Variants in ZNF609 observed in about 807,000 individuals in gnomAD.
ZNF609 encodes zinc finger protein 609.
A neutral mutation model predicts 109.5 loss-of-function variants in ZNF609; 11 were observed. That is an observed-to-expected ratio of 0.10 (90% CI 0.06 to 0.17). The LOEUF (loss-of-function observed/expected upper bound fraction) is 0.17. Among genes scored for constraint, ZNF609 ranks in the 10% least tolerant of loss-of-function variants. The probability of loss-of-function intolerance (pLI) is 1.00; values close to 1 mark genes in which losing one functional copy is unlikely to be tolerated. For missense variants in ZNF609, 1,559 were observed against 1,772.4 expected (o/e 0.88, Z 2.16); for synonymous variants, 646 against 662.0 (o/e 0.98, Z 0.37).
Position 64,674,554 on chromosome 15 carries a change from C to T in ZNF609, c.1700C>T (p.Pro567Leu), listed in dbSNP as rs376474857. ...TTGTCCCCTGCCCGCTCAGCTACCC[C>T]CAAAGTTCGACTTGTAGAGCCCCAT... ...GSLSPARSAT[P>L]KVRLVEPHSP... The change falls in exon 5 of 10, where the codon CCC (proline) becomes CTC (leucine). Residue 567 changes from proline (P) to leucine (L), a missense_variant. Coordinates refer to ENST00000326648, the MANE Select transcript of ZNF609 (RefSeq NM_015042.2). The T allele has an allele frequency of 6.2e-7, 1 of 1,614,102 alleles. No individual in the cohort carries two copies. Among genetic ancestry groups the T allele is most frequent in the East Asian group, 2.2e-5 (1 of 44,880 alleles).
chr15:64,591,946 T>G (rs960259578), intron 2 of ZNF609, among the ~76,000 whole-genome samples: 1 of 151,990 alleles, frequency 6.6e-6, no homozygotes, highest in African/African-American at 2.4e-5. Flanking sequence ...TGACCTCAGG[T>G]GATCCGCCCG....
At position 64,683,354 on chromosome 15, in the gene ZNF609, G is replaced by GTA. The variant is rs2141022317; in HGVS notation, c.*1669_*1670dup. ...GGGACAGTAAGCACAATGCCCAGTAGTAGTTGATTTCCAAGGACCCTGGAA... is the reference window on the plus strand; with the variant it reads ...GGGACAGTAAGCACAATGCCCAGTAGTATAGTTGATTTCCAAGGACCCTGGAA... On this transcript the variant is annotated 3_prime_UTR_variant, in exon 10 of 10. Transcript: ENST00000326648. The GTA allele has an allele frequency of 6.5e-6, 1 of 152,754 alleles. No homozygotes were observed. Among genetic ancestry groups the GTA allele is most frequent in the South Asian group, 2.1e-4 (1 of 4,822 alleles). 9.5% of individuals were successfully genotyped at this position (152,754 alleles called of 1,614,324 possible). A position where few individuals can be genotyped will look rare whatever the true frequency, so the allele number is the denominator to read the frequency against.
chr15:64,563,341 C>G (rs150516324), intron 2 of ZNF609, among the ~76,000 whole-genome samples: 1 of 131,362 alleles, frequency 7.6e-6, no homozygotes, highest in Non-Finnish European at 1.6e-5. Flanking sequence ...TCCCAGCTCC[C>G]TCGGGAGGCT....
At chr15:64,547,624 C>A (rs1485202421) in intron 2 of ZNF609, among the ~76,000 whole-genome samples, 1 of 151,750 alleles carries the variant, frequency 6.6e-6, no homozygotes, top group Non-Finnish European at 1.5e-5. Context: ...GGAATTACCT[C>A]TAGCCATTTG....
chr15:64,494,987 A>C (rs1376996135), intron 1 of ZNF609, among the ~76,000 whole-genome samples: 1 of 152,200 alleles, frequency 6.6e-6, no homozygotes, highest in Non-Finnish European at 1.5e-5. Flanking sequence ...TATCACACTT[A>C]AGATGTGGAA....
intron 3 of ZNF609, among the ~76,000 whole-genome samples, chr15:64,667,403 T>G (rs563557076): frequency 3.9e-5 from 6 of 152,288 alleles, no homozygotes; most frequent in African/African-American, 1.4e-4. Flanking sequence ...TGTCTTGATA[T>G]ATTCCATAGA....
intron 2 of ZNF609, among the ~76,000 whole-genome samples, chr15:64,582,749 CTTTTTTTTTTT>C (rs34273764): frequency 1.8e-5 from 1 of 55,868 alleles, no homozygotes; most frequent in Non-Finnish European, 2.8e-5. Context: ...GAGACAGAGT[CTTTTTTTTTTT>C]TTTTTTTTTG....
chr15:64,623,337 AT>A (rs1004278726), intron 3 of ZNF609, among the ~76,000 whole-genome samples: 3 of 152,136 alleles, frequency 2.0e-5, no homozygotes, highest in Admixed American at 1.3e-4. Flanking sequence ...TACTCTCCAT[AT>A]TTTATATGGG....
chr15:64,590,854 A>G (rs1196421736), intron 2 of ZNF609, among the ~76,000 whole-genome samples: 1 of 152,102 alleles, frequency 6.6e-6, no homozygotes, highest in Non-Finnish European at 1.5e-5. Context: ...TTAAAAACAA[A>G]CACAAAATGT....
chr15:64,513,422 C>G (rs142578133), intron 2 of ZNF609, among the ~76,000 whole-genome samples: 3 of 152,194 alleles, frequency 2.0e-5, no homozygotes, highest in African/African-American at 7.2e-5. Context: ...TTGCTTATTA[C>G]AATTTCAGAA....
intron 2 of ZNF609, among the ~76,000 whole-genome samples, chr15:64,604,360 G>C (rs1205818326): frequency 1.3e-5 from 2 of 152,134 alleles, no homozygotes; most frequent in African/African-American, 2.4e-5. Flanking sequence ...GGAGTGCCTT[G>C]ATTTCTTCAA....
At chr15:64,494,581 C>G (rs999804307) in intron 1 of ZNF609, among the ~76,000 whole-genome samples, 4 of 152,054 alleles carry the variant, frequency 2.6e-5, no homozygotes, top group African/African-American at 9.7e-5. Flanking sequence ...TACTCTGTCA[C>G]CTATGCTGGA....
intron 2 of ZNF609, among the ~76,000 whole-genome samples, chr15:64,524,820 A>G (rs181104010): frequency 2.0e-5 from 3 of 152,070 alleles, no homozygotes; most frequent in African/African-American, 7.2e-5. Flanking sequence ...AGTTTTTTTT[A>G]TTATATACCT....
At chr15:64,534,317 ATT>A (rs879896405) in intron 2 of ZNF609, among the ~76,000 whole-genome samples, 1 of 119,194 alleles carries the variant, frequency 8.4e-6, no homozygotes, top group African/African-American at 3.2e-5. Context: ...AGCATTATTT[ATT>A]TTTTTTTTTT....
chr15:64,609,068 CTTTCTTTCTT>C (rs1474054892), intron 2 of ZNF609, among the ~76,000 whole-genome samples: 5 of 23,552 alleles, frequency 2.1e-4, no homozygotes, highest in Admixed American at 4.6e-4. Flanking sequence ...TTTAATTTTT[CTTTCTTTCTT>C]TCTTTCTTTC....
At chr15:64,648,654 G>A (rs1239644351) in intron 3 of ZNF609, among the ~76,000 whole-genome samples, 1 of 146,338 alleles carries the variant, frequency 6.8e-6, no homozygotes, top group African/African-American at 2.5e-5. Context: ...AGGTTGGTGA[G>A]AGAATTAAAT....
chr15:64,675,747 C>T lies in ZNF609; in HGVS notation c.2893C>T (p.Pro965Ser). 1 of 1,614,186 alleles carries T rather than the reference C, an allele frequency of 6.2e-7. No homozygotes were observed. The highest frequency in any genetic ancestry group is 8.5e-7 in the Non-Finnish European group (1 of 1,180,042). Residue 965 changes from proline to serine, a missense_variant, in exon 5 of 10, where the codon CCC (proline) becomes TCC (serine). By Grantham distance (74) the Pro-to-Ser change is moderately conservative. Around this residue, in one of 4 missense-constraint regions of ZNF609, gnomAD observed 1,204 missense variants for 1,314.1 expected, o/e 0.92. Coordinates refer to ENST00000326648, the MANE Select transcript of ZNF609 (RefSeq NM_015042.2). ...GCAGCCCTCGGTCATCCAGCAGCGT[C>T]CCAATATGTACATGCAGTCCCTGTA... is the stretch of plus-strand genomic sequence containing the variant. ...SQQPSVIQQR[P>S]NMYMQSLYYN...
rs975618768 is a variant in ZNF609 at position 64,622,678 on chromosome 15, G to A, written c.748-149G>A. 28 of 675,336 alleles carry A rather than the reference G, an allele frequency of 4.1e-5. No individual in the cohort carries two copies. In the East Asian group the frequency reaches 6.4e-4, roughly 15 times the overall value. The allele number at this position is 675,336 out of a possible 1,614,324, so 41.8% of individuals were successfully genotyped here. ...CACTAGATTTGTAGTGGTATCATAA[G>A]CCAGAACTTGAAAGGAAGAACCAAA... is the stretch of plus-strand genomic sequence containing the variant. On this transcript the variant is annotated intron_variant, in intron 2 of 9. Transcript: ENST00000326648.
intron 2 of ZNF609, among the ~76,000 whole-genome samples, chr15:64,509,549 C>G (rs1567000954): frequency 6.6e-6 from 1 of 152,188 alleles, no homozygotes; most frequent in Non-Finnish European, 1.5e-5. Context: ...TTTATGATAG[C>G]TAATATTCCA....
Sources: gnomAD v4.1 joint callset for allele counts (sites outside exome capture counted in the v4.1 genomes callset) on GRCh38, gnomAD v4.1.1 for gene constraint, gnomAD v4.1.1 regional missense constraint, MANE v1.5 for transcripts, NCBI Gene and HGNC (gene_info 2026-07-23, HGNC 2026-07-21) for gene names.